EML4: variants seen among roughly 807,000 people sequenced by gnomAD.
The protein encoded by EML4 is EMAP like 4, also known as echinoderm microtubule-associated protein-like 4.
A neutral mutation model predicts 129.0 loss-of-function variants in EML4; 72 were observed. The ratio of observed to expected loss-of-function variants is 0.56; its 90% confidence interval spans 0.46 to 0.68. EML4 has a LOEUF of 0.68. Ranked by LOEUF, EML4 falls within the 30% of genes least tolerant of loss-of-function variation. The pLI, the probability that EML4 is intolerant of heterozygous loss-of-function variation, is 0.00. For synonymous variants in EML4, 532 were observed against 405.0 expected (o/e 1.31, Z -3.77); for missense variants, 1,363 against 1,190.6 (o/e 1.14, Z -2.13).
intron 1 of EML4, among the ~76,000 whole-genome samples, chr2:42,232,958 G>A (rs1674440391): frequency 6.6e-6 from 1 of 152,098 alleles, no homozygotes; most frequent in South Asian, 2.1e-4. Context: ...ATCTGACCTC[G>A]TGATCCCCCT....
intron 1 of EML4, among the ~76,000 whole-genome samples, chr2:42,183,689 A>G (rs1671083333): frequency 6.6e-6 from 1 of 152,178 alleles, no homozygotes; most frequent in Non-Finnish European, 1.5e-5. Context: ...CTGTGTATAC[A>G]AGTATAAATA....
intron 1 of EML4, among the ~76,000 whole-genome samples, chr2:42,210,429 ATGT>A (rs1389693264): frequency 6.6e-6 from 1 of 152,154 alleles, no homozygotes; most frequent in Non-Finnish European, 1.5e-5. Context: ...GACATCATTG[ATGT>A]TGTTGAACTT....
intron 6 of EML4, 46 bp from the exon 7 acceptor site, chr2:42,280,804 A>T (rs373902566): frequency 6.7e-7 from 1 of 1,489,770 alleles, no homozygotes; most frequent in East Asian, 2.3e-5. Context: ...TTGTATGACT[A>T]TACAGAAAAT....
chr2:42,184,631 C>T (rs546212260), intron 1 of EML4, among the ~76,000 whole-genome samples: 1 of 152,170 alleles, frequency 6.6e-6, no homozygotes, highest in African/African-American at 2.4e-5. Flanking sequence ...GTTATTTATT[C>T]AATATCTCTC....
intron 1 of EML4, among the ~76,000 whole-genome samples, chr2:42,217,619 A>T (rs887845768): frequency 6.6e-6 from 1 of 152,108 alleles, no homozygotes; most frequent in East Asian, 1.9e-4. Flanking sequence ...CATGAAAAAG[A>T]TGCTTTCTGA....
rs1394182482 is a variant in EML4, at chr2:42,331,378, G to A, written c.*1171G>A. 4.4e-6 allele frequency: 1 copy of A among 224,844 alleles called. No individual in the cohort carries two copies. The highest frequency in any genetic ancestry group is 5.7e-5 in the Admixed American group (1 of 17,512). 13.9% of individuals were successfully genotyped at this position (224,844 alleles called of 1,614,324 possible). On this transcript the variant is annotated 3_prime_UTR_variant, in exon 23 of 23. Coordinates refer to ENST00000318522, the MANE Select transcript of EML4 (RefSeq NM_019063.5). ...CTAATGTGGCTATCCTACTCTTTTG[G>A]GCAATGCATGTATTATGCATTGGAA...
chr2:42,180,388 T>C (rs1222057047), intron 1 of EML4, among the ~76,000 whole-genome samples: 1 of 152,180 alleles, frequency 6.6e-6, no homozygotes, highest in Non-Finnish European at 1.5e-5. Flanking sequence ...CACATAACAA[T>C]GTGGATGTTT....
Position 42,197,276 on chromosome 2 carries a change from T to C in EML4, c.25+27640T>C, listed in dbSNP as rs555670956. On this transcript the variant is annotated intron_variant, in intron 1 of 22. Transcript: ENST00000318522. ...ATGGGGTTTTGCCATATTCCCAGGC[T>C]GGTCTCCAACTGTGAGGGCTCAAGT... Among the ~76,000 whole-genome samples, 4 of 152,254 alleles carry C rather than the reference T, an allele frequency of 2.6e-5. No individual in the cohort carries two copies. In the South Asian group the frequency reaches 8.3e-4, roughly 32 times the overall value.
At chr2:42,324,006 AAAT>A (rs1669660986) in intron 19 of EML4, among the ~76,000 whole-genome samples, 1 of 151,008 alleles carries the variant, frequency 6.6e-6, no homozygotes, top group Non-Finnish European at 1.5e-5. Context: ...AGGTGAAAAA[AAAT>A]AAAGGCCAGG....
At chr2:42,274,561 T>TTTTTCC (rs978085021) in intron 6 of EML4, among the ~76,000 whole-genome samples, 6 of 152,220 alleles carry the variant, frequency 3.9e-5, no homozygotes, top group African/African-American at 1.4e-4. Context: ...TCTGCCTGAA[T>TTTTTCC]TTTTCCTTTT....
chr2:42,177,233 T>C (rs1402362790), intron 1 of EML4, among the ~76,000 whole-genome samples: 2 of 142,306 alleles, frequency 1.4e-5, no homozygotes, highest in Non-Finnish European at 3.0e-5. Flanking sequence ...GTTGACAACT[T>C]AACAACCTTC....
intron 17 of EML4, among the ~76,000 whole-genome samples, chr2:42,310,496 C>T (rs766744320): frequency 6.6e-6 from 1 of 152,140 alleles, no homozygotes; most frequent in South Asian, 2.1e-4. Context: ...CAAGCGTGCA[C>T]CACCATGCCT....
chr2:42,290,076 G>C (rs1667542041), intron 11 of EML4, among the ~76,000 whole-genome samples: 1 of 151,900 alleles, frequency 6.6e-6, no homozygotes, highest in Non-Finnish European at 1.5e-5. Context: ...GACAGAGCAA[G>C]ACTTCGTCTC....
At chr2:42,240,311 G>A (rs1558530415) in intron 1 of EML4, among the ~76,000 whole-genome samples, 1 of 152,056 alleles carries the variant, frequency 6.6e-6, no homozygotes. Context: ...ACACTAAAAA[G>A]CAAAAATTTA....
chr2:42,275,932 C>T (rs187893790), intron 6 of EML4, among the ~76,000 whole-genome samples: 2 of 152,206 alleles, frequency 1.3e-5, no homozygotes, highest in Admixed American at 6.5e-5. Flanking sequence ...TCAGTCCCAT[C>T]GCCCATCCCT....
chr2:42,196,808 G>A (rs1558492825), intron 1 of EML4, among the ~76,000 whole-genome samples: 1 of 152,186 alleles, frequency 6.6e-6, no homozygotes, highest in Admixed American at 6.5e-5. Flanking sequence ...GTTTGTGGAA[G>A]AGAGACTGGG....
chr2:42,196,068 C>G (rs1315819669), intron 1 of EML4, among the ~76,000 whole-genome samples: 1 of 152,104 alleles, frequency 6.6e-6, no homozygotes, highest in African/African-American at 2.4e-5. Flanking sequence ...TGGTCATTAA[C>G]TGAGAATTTT....
chr2:42,280,468 A>G (rs1309397709), intron 6 of EML4, among the ~76,000 whole-genome samples: 1 of 152,190 alleles, frequency 6.6e-6, no homozygotes, highest in East Asian at 1.9e-4. Context: ...ATATTTGGGG[A>G]AAAAAATTGT....
At chr2:42,190,947 C>T (rs1671545200) in intron 1 of EML4, among the ~76,000 whole-genome samples, 1 of 152,204 alleles carries the variant, frequency 6.6e-6, no homozygotes, top group Non-Finnish European at 1.5e-5. Context: ...GCAGGCCACA[C>T]AAAAACAGTT....
Sources: allele counts gnomAD v4.1 joint callset (sites outside exome capture counted in the v4.1 genomes callset), GRCh38; gene constraint gnomAD v4.1.1; transcripts MANE v1.5; gene names NCBI Gene and HGNC (gene_info 2026-07-23, HGNC 2026-07-21).